The following PSMC2 variants were observed in gnomAD, a reference collection of about 807,000 sequenced individuals.
PSMC2 encodes proteasome 26S subunit, ATPase 2.
In PSMC2, 7 loss-of-function variants were observed where a neutral mutation model predicts 53.3. That is an observed-to-expected ratio of 0.13 (90% CI 0.07 to 0.25). The LOEUF (loss-of-function observed/expected upper bound fraction) is 0.25, where lower values mean the gene tolerates loss of function less well. Among genes scored for constraint, PSMC2 ranks in the 10% least tolerant of loss-of-function variants. The pLI is 1.00. For missense variants in PSMC2, 241 were observed against 544.0 expected, an observed-to-expected ratio of 0.44 and a Z score of 5.54; for synonymous variants, 169 against 183.9, an observed-to-expected ratio of 0.92 and a Z score of 0.66.
rs551881591 is a variant in PSMC2 at position 103,360,195 on chromosome 7, A to C, written c.291-1762A>C. On this transcript the variant is annotated intron_variant, in intron 4 of 11. Transcript: ENST00000292644. Reference sequence around the variant, plus strand: ...GAGCCATAATGTCATACATAAGGGAAAATGCATTTCATAATGTTTTGCATC... The same window carrying C: ...GAGCCATAATGTCATACATAAGGGACAATGCATTTCATAATGTTTTGCATC... 6.6e-5 allele frequency among the ~76,000 whole-genome samples: 10 copies of C among 152,318 alleles called. No individual in the cohort carries two copies. The South Asian group carries it at 1.7e-3, about 25-fold the overall frequency.
At position 103,368,292 on chromosome 7, in the gene PSMC2, C is replaced by A. The variant is rs539028412; in HGVS notation, c.*238C>A. On this transcript the variant is annotated 3_prime_UTR_variant, in exon 12 of 12. Coordinates refer to ENST00000292644, the MANE Select transcript of PSMC2 (RefSeq NM_002803.4). ...TAAGGATTTCACATCATACAAAGCG[C>A]TTGCTTAGATGGCTTCTATCCTAGG... The A allele has an allele frequency of 2.0e-4, 81 of 403,666 alleles. No individual in the cohort carries two copies. The highest frequency in any genetic ancestry group is 1.5e-3 in the African/African-American group (72 of 48,572). 25.0% of individuals were successfully genotyped at this position (403,666 alleles called of 1,614,324 possible).
Position 103,356,292 on chromosome 7 carries a change from G to A in PSMC2, c.290+499G>A, listed in dbSNP as rs530202200. 5.9e-5 allele frequency among the ~76,000 whole-genome samples: 9 copies of A among 151,572 alleles called. No homozygotes were observed. In the East Asian group the frequency reaches 1.6e-3, roughly 26 times the overall value. On this transcript the variant is annotated intron_variant, in intron 4 of 11. Coordinates refer to ENST00000292644, the MANE Select transcript of PSMC2 (RefSeq NM_002803.4). Reference sequence around the variant, plus strand: ...TAGATGTTAGGCTGTAACAATTTCTGTTACTATACACAGTGCTGTAGTGAA... The same window carrying A: ...TAGATGTTAGGCTGTAACAATTTCTATTACTATACACAGTGCTGTAGTGAA...
At chr7:103,353,141 A>G (rs889692620) in intron 1 of PSMC2, among the ~76,000 whole-genome samples, 1 of 152,134 alleles carries the variant, frequency 6.6e-6, no homozygotes, top group East Asian at 1.9e-4. Context: ...GTAGAACACC[A>G]TTTCAGGTTA....
At chr7:103,352,967 C>G (rs1174731565) in intron 1 of PSMC2, 10 of 780,292 alleles carry the variant, frequency 1.3e-5, no homozygotes, top group Non-Finnish European at 2.4e-5. Context: ...TAGTTGTGAA[C>G]TTAAATTTTT....
intron 1 of PSMC2, 100 bp downstream of exon 1, chr7:103,347,881 C>G: frequency 7.3e-7 from 1 of 1,371,834 alleles, no homozygotes; most frequent in Non-Finnish European, 1.0e-6. Context: ...GCTCTGTGCT[C>G]TGGCCCTTTT....
intron 4 of PSMC2, among the ~76,000 whole-genome samples, chr7:103,361,316 A>G (rs10271536): frequency 0.97 from 144,345 of 148,510 alleles, 70,299 homozygotes; most frequent in East Asian, 1. Flanking sequence ...TTGGGAGTTC[A>G]AGAGAAACCC....
Position 103,368,911 on chromosome 7 carries a change from T to A in PSMC2, c.*857T>A, listed in dbSNP as rs1169286776. The A allele has an allele frequency of 5.6e-5, 4 of 71,494 alleles. No individual in the cohort carries two copies. Among genetic ancestry groups the A allele is most frequent in the Non-Finnish European group, 8.6e-5 (3 of 34,928 alleles). 4.4% of individuals were successfully genotyped at this position (71,494 alleles called of 1,614,324 possible). ...AGTGAGGTATTTTAAAAATAAAGGTTATATTAGAATCCTCAACATCTCTTT... is the reference window on the plus strand; with the variant it reads ...AGTGAGGTATTTTAAAAATAAAGGTAATATTAGAATCCTCAACATCTCTTT... On this transcript the variant is annotated 3_prime_UTR_variant, in exon 12 of 12. Transcript: ENST00000292644.
At chr7:103,359,295 G>A (rs1490610123) in intron 4 of PSMC2, among the ~76,000 whole-genome samples, 2 of 151,768 alleles carry the variant, frequency 1.3e-5, no homozygotes, top group East Asian at 3.9e-4. Context: ...ACCGTGCCCA[G>A]CCAGCTTATG....
chr7:103,347,617 T>C (rs144620518), upstream of PSMC2: 22 of 1,468,932 alleles, frequency 1.5e-5, no homozygotes, highest in Non-Finnish European at 2.0e-5. Context: ...TGAGCCCAAT[T>C]TACTTCCGGT....
At chr7:103,355,991 A>G (rs954818830) in intron 4 of PSMC2, among the ~76,000 whole-genome samples, 198 bp downstream of exon 4, 6 of 152,240 alleles carry the variant, frequency 3.9e-5, no homozygotes, top group Admixed American at 3.3e-4. Context: ...TAATCATTTA[A>G]AAGATTTAAA....
rs183650174 is a variant in PSMC2 at position 103,356,392 on chromosome 7, G to C, written c.290+599G>C. On this transcript the variant is annotated intron_variant, in intron 4 of 11. Transcript: ENST00000292644. Reference sequence around the variant, plus strand: ...AGCTTACTACAAGTGGAATTCTAGGGGTCAAAGATATTATAGTTTTAAAAT... The same window carrying C: ...AGCTTACTACAAGTGGAATTCTAGGCGTCAAAGATATTATAGTTTTAAAAT... Among the ~76,000 whole-genome samples, 8 of 152,146 alleles carry C rather than the reference G, an allele frequency of 5.3e-5. No individual in the cohort carries two copies. The East Asian group carries it at 1.2e-3, about 22-fold the overall frequency.
intron 4 of PSMC2, 32 bp from the exon 5 acceptor site, chr7:103,361,925 C>T (rs766525089): frequency 1.7e-5 from 27 of 1,586,970 alleles, no homozygotes; most frequent in Non-Finnish European, 1.1e-5. Context: ...GGCTTAGGTT[C>T]CTTATTCTAA....
chr7:103,362,082 G>GA lies in PSMC2; in HGVS notation c.417dup (p.Val140SerfsTer5). On this transcript the variant is annotated frameshift_variant, in exon 5 of 12. Coordinates refer to ENST00000292644, the MANE Select transcript of PSMC2 (RefSeq NM_002803.4). LOFTEE classifies it high-confidence loss of function. ...CCTACTGACATTGAAGAAGGGATGA[G>GA]AGTGGGGTAAGATTTCTATTTACAA... 1 of 1,612,766 alleles carries GA rather than the reference G, an allele frequency of 6.2e-7. No individual in the cohort carries two copies. Among genetic ancestry groups the GA allele is most frequent in the Non-Finnish European group, 8.5e-7 (1 of 1,179,746 alleles).
rs146666079 is a variant in PSMC2, at chr7:103,351,840, C to T, written c.71-2081C>T. Among the ~76,000 whole-genome samples, 283 of 152,224 alleles carry T rather than the reference C, an allele frequency of 1.9e-3. 10 individuals carry two copies. The South Asian group carries it at 0.05, about 27-fold the overall frequency. On this transcript the variant is annotated intron_variant, in intron 1 of 11. Transcript: ENST00000292644. Reference sequence around the variant, plus strand: ...CTGGGCATCATGTTTGATCCTCTCCCGTCAGCTTCTCACATTTAGTCATTT... The same window carrying T: ...CTGGGCATCATGTTTGATCCTCTCCTGTCAGCTTCTCACATTTAGTCATTT...
At chr7:103,357,326 CA>C (rs762310758) in intron 4 of PSMC2, among the ~76,000 whole-genome samples, 9,873 of 77,770 alleles carry the variant, frequency 0.13, 281 homozygotes, top group South Asian at 0.2. Context: ...TACTCTGTCT[CA>C]AAAAAAAAAA....
intron 9 of PSMC2, among the ~76,000 whole-genome samples, chr7:103,366,579 G>A (rs982850090): frequency 6.6e-6 from 1 of 152,100 alleles, no homozygotes; most frequent in African/African-American, 2.4e-5. Flanking sequence ...GAAGCATTTT[G>A]GATTTTGCAT....
rs1586170623 is a variant in PSMC2, at chr7:103,364,383, C to G, written c.756+76C>G. The G allele has an allele frequency of 1.3e-5, 19 of 1,516,590 alleles. No individual in the cohort carries two copies. In the East Asian group the frequency reaches 4.3e-4, roughly 34 times the overall value. The allele number at this position is 1,516,590 out of a possible 1,614,324, so 93.9% of individuals were successfully genotyped here. A position where few individuals can be genotyped will look rare whatever the true frequency, so the allele number is the denominator to read the frequency against. On this transcript the variant is annotated intron_variant, in intron 8 of 11. Coordinates refer to ENST00000292644, the MANE Select transcript of PSMC2 (RefSeq NM_002803.4). ...ATGAATGAAATTAAAAATGGCACTT[C>G]TGCATTGAGGGATCCAGACCTGAAA... is the stretch of plus-strand genomic sequence containing the variant.
At position 103,352,407 on chromosome 7, in the gene PSMC2, CTT is replaced by C. The variant is rs781095017; in HGVS notation, c.71-1495_71-1494del. Among the ~76,000 whole-genome samples the C allele has an allele frequency of 4.0e-3, 480 of 118,680 alleles. 2 individuals are homozygous for C. Among genetic ancestry groups the C allele is most frequent in the African/African-American group, 0.015 (459 of 31,464 alleles). The allele number at this position is 118,680 out of a possible 152,430, so 77.9% of individuals were successfully genotyped here. On this transcript the variant is annotated intron_variant, in intron 1 of 11. Transcript: ENST00000292644. The stretch of plus-strand genomic sequence containing the variant: ...ATATACATCTCACATAGATTATAAT[CTT>C]TTTTTTTTTTTTTTTTTTGAGACAG...
intron 1 of PSMC2, chr7:103,352,679 CCA>C: frequency 1.7e-6 from 1 of 573,486 alleles, no homozygotes. Context: ...CAAGTGTGAG[CCA>C]CAGCATCCGG....
Sources: allele counts gnomAD v4.1 joint callset (sites outside exome capture counted in the v4.1 genomes callset), GRCh38; gene constraint gnomAD v4.1.1; transcripts MANE v1.5; gene names NCBI Gene and HGNC (gene_info 2026-07-23, HGNC 2026-07-21).